Variants in SVEP1 observed in about 807,000 individuals in gnomAD.
The protein encoded by SVEP1 is sushi, von Willebrand factor type A, EGF and pentraxin domain containing 1.
Under a neutral mutation model 367.3 loss-of-function variants are expected in SVEP1, and 164 were observed. That is an observed-to-expected ratio of 0.45 (90% CI 0.39 to 0.51). SVEP1 has a LOEUF of 0.51. Ranked by LOEUF, SVEP1 falls within the 20% of genes least tolerant of loss-of-function variation. SVEP1 has a pLI of 0.00. For missense variants in SVEP1, 4,117 were observed against 4,425.3 expected (o/e 0.93, Z 1.98); for synonymous variants, 1,666 against 1,611.6 (o/e 1.03, Z -0.81).
At chr9:110,505,375 A>C (rs1829608114) in intron 5 of SVEP1, among the ~76,000 whole-genome samples, 1 of 152,112 alleles carries the variant, frequency 6.6e-6, no homozygotes, top group East Asian at 1.9e-4. Flanking sequence ...TCCCTCATCC[A>C]CCAGGGTTAT....
chr9:110,502,159 G>A (rs1019735249), intron 6 of SVEP1, among the ~76,000 whole-genome samples: 1 of 148,066 alleles, frequency 6.8e-6, no homozygotes, highest in Non-Finnish European at 1.5e-5. Flanking sequence ...CTAGAGTGCA[G>A]TGCTGTGATC....
chr9:110,561,280 T>C (rs1830423911), intron 1 of SVEP1, among the ~76,000 whole-genome samples: 1 of 152,182 alleles, frequency 6.6e-6, no homozygotes, highest in Non-Finnish European at 1.5e-5. Context: ...TTTCCTCTTT[T>C]TAAACTTTCC....
chr9:110,537,843 A>ATT (rs879673663), intron 3 of SVEP1, among the ~76,000 whole-genome samples: 1 of 146,232 alleles, frequency 6.8e-6, no homozygotes, highest in Non-Finnish European at 1.5e-5. Context: ...TAAATTTTCC[A>ATT]TTTTTTTTTT....
chr9:110,472,152 T>A lies in SVEP1; in HGVS notation c.2764+7A>T, dbSNP rs755510651. On this transcript the variant is annotated splice_region_variant and intron_variant, in intron 15 of 47. Coordinates refer to ENST00000374469, the MANE Select transcript of SVEP1 (RefSeq NM_153366.4). ...ATTGCTTTTTCAAATAGACAGTTTATCCTTACCTGTGATGTTAAAAATTAA... is the reference window on the plus strand; with the variant it reads ...ATTGCTTTTTCAAATAGACAGTTTAACCTTACCTGTGATGTTAAAAATTAA... 1.8e-5 allele frequency: 29 copies of A among 1,608,942 alleles called. 1 individual carries two copies. In the South Asian group the frequency reaches 2.8e-4, roughly 15 times the overall value.
intron 41 of SVEP1, among the ~76,000 whole-genome samples, chr9:110,388,489 A>G (rs1474729604): frequency 6.6e-6 from 1 of 152,176 alleles, no homozygotes; most frequent in Non-Finnish European, 1.5e-5. Flanking sequence ...ATGAGTCCAA[A>G]TCTTTATACT....
chr9:110,391,199 C>G (rs181153194), intron 40 of SVEP1, among the ~76,000 whole-genome samples: 1 of 151,654 alleles, frequency 6.6e-6, no homozygotes, highest in Non-Finnish European at 1.5e-5. Context: ...TACACTGAGA[C>G]TAGTTTATGT....
chr9:110,499,609 A>T (rs1231786529), intron 6 of SVEP1, among the ~76,000 whole-genome samples: 1 of 152,258 alleles, frequency 6.6e-6, no homozygotes, highest in East Asian at 1.9e-4. Flanking sequence ...TAAGTGATAT[A>T]TTCAGCAATC....
chr9:110,467,618 T>C (rs530685882), intron 17 of SVEP1, among the ~76,000 whole-genome samples: 7 of 150,092 alleles, frequency 4.7e-5, no homozygotes, highest in African/African-American at 1.7e-4. Context: ...GTATGTGGCA[T>C]CTCCCCTGTC....
At chr9:110,447,078 G>C (rs372366981) in intron 24 of SVEP1, 21 bp from the exon 25 acceptor site, 31 of 1,462,280 alleles carry the variant, frequency 2.1e-5, no homozygotes, top group Non-Finnish European at 2.4e-5. Flanking sequence ...ACAAAATGTT[G>C]TAACAATTAG....
chr9:110,484,533 G>A (rs1175754692), intron 9 of SVEP1, among the ~76,000 whole-genome samples: 1 of 152,128 alleles, frequency 6.6e-6, no homozygotes, highest in African/African-American at 2.4e-5. Flanking sequence ...ATAGGCAGAG[G>A]CAAAGATTTT....
chr9:110,396,130 G>A (rs1055508990), intron 40 of SVEP1, among the ~76,000 whole-genome samples: 2 of 152,108 alleles, frequency 1.3e-5, no homozygotes, highest in African/African-American at 4.8e-5. Context: ...TAAAAGAACA[G>A]AAATTATAAC....
In SVEP1 at chr9:110,430,368, T is replaced by A; in HGVS notation, c.5436A>T (p.Thr1812=). 6.2e-7 allele frequency: 1 copy of A among 1,613,504 alleles called. No individual in the cohort carries two copies. Among genetic ancestry groups the A allele is most frequent in the Non-Finnish European group, 8.5e-7 (1 of 1,179,720 alleles). The change falls in exon 33 of 48, where the codon ACA becomes ACT. Residue 1812 remains threonine (T), a synonymous_variant. Coordinates refer to ENST00000374469, the MANE Select transcript of SVEP1 (RefSeq NM_153366.4). ...GEIYTVGAEV[T]FSCQEGYQLM... ...ACTGGTATCCTTCCTGACACGAAAA[T>A]GTGACTTCGGCACCTACTGTATAAA... is the stretch of plus-strand genomic sequence containing the variant.
intron 3 of SVEP1, among the ~76,000 whole-genome samples, chr9:110,522,195 T>C (rs908983691): frequency 6.6e-6 from 1 of 152,174 alleles, no homozygotes; most frequent in African/African-American, 2.4e-5. Context: ...GGGTTTCAAC[T>C]TGAACCTAGA....
intron 32 of SVEP1, 44 bp from the exon 33 acceptor site, chr9:110,430,494 CA>C: frequency 1.9e-6 from 3 of 1,547,668 alleles, no homozygotes; most frequent in Non-Finnish European, 2.6e-6. Flanking sequence ...GGCTTTCACA[CA>C]ACCATGCAAA....
rs62571270 is a variant in SVEP1 at position 110,554,754 on chromosome 9, A to G, written c.532-4650T>C. 2.1e-3 allele frequency among the ~76,000 whole-genome samples: 219 copies of G among 102,626 alleles called. 2 individuals are homozygous for G. Among genetic ancestry groups the G allele is most frequent in the African/African-American group, 8.0e-3 (185 of 23,258 alleles). 67.3% of individuals were successfully genotyped at this position (102,626 alleles called of 152,430 possible). ...TGTGTGTGTGTGTGTGTGTGTGTGT[A>G]TGTATGTATTTACATTTTCAGTTAG... is the stretch of plus-strand genomic sequence containing the variant. On this transcript the variant is annotated intron_variant, in intron 1 of 47. Transcript: ENST00000374469.
At chr9:110,448,784 T>C (rs1207896662) in intron 24 of SVEP1, among the ~76,000 whole-genome samples, 1 of 152,236 alleles carries the variant, frequency 6.6e-6, no homozygotes, top group Non-Finnish European at 1.5e-5. Flanking sequence ...AGTTATGTAC[T>C]ATATGCCAGA....
chr9:110,501,205 GAACTT>G (rs1482377800), intron 6 of SVEP1, among the ~76,000 whole-genome samples: 7 of 147,908 alleles, frequency 4.7e-5, no homozygotes, highest in South Asian at 2.1e-4. Context: ...AATTTGGAAA[GAACTT>G]AACATTTTGA....
intron 5 of SVEP1, among the ~76,000 whole-genome samples, chr9:110,509,844 C>T (rs1829681221): frequency 6.6e-6 from 1 of 152,166 alleles, no homozygotes; most frequent in African/African-American, 2.4e-5. Flanking sequence ...ATTCTGTGCT[C>T]ATAATGAATT....
Position 110,482,375 on chromosome 9 carries a change from T to C in SVEP1, c.2156A>G (p.His719Arg), listed in dbSNP as rs372097542. The change falls in exon 11 of 48, where the codon CAT becomes CGT. Residue 719 changes from histidine to arginine, a missense_variant. Coordinates refer to ENST00000374469, the MANE Select transcript of SVEP1 (RefSeq NM_153366.4). ...PSGNNRTCDI[H>R]IVIKGSPCEI... ...GAAGACAATACCTTTTATGACAATA[T>C]GGATATCACATGTCCTGTTATTGCC... 1.2e-5 allele frequency: 20 copies of C among 1,612,180 alleles called. No homozygotes were observed. The African/African-American group carries it at 2.7e-4, about 22-fold the overall frequency.
Sources: allele counts gnomAD v4.1 joint callset (sites outside exome capture counted in the v4.1 genomes callset), GRCh38; gene constraint gnomAD v4.1.1; transcripts MANE v1.5; gene names NCBI Gene and HGNC (gene_info 2026-07-23, HGNC 2026-07-21).